Variants in PLD5 observed in about 807,000 individuals in gnomAD.
PLD5 encodes inactive phospholipase D5.
PLD5 carries 36 observed loss-of-function variants against 61.1 expected under a neutral mutation model. The ratio of observed to expected loss-of-function variants is 0.59; its 90% CI spans 0.45 to 0.78. The LOEUF (loss-of-function observed/expected upper bound fraction) is 0.78, where lower values mean the gene tolerates loss of function less well. Among genes scored for constraint, PLD5 ranks in the 30% least tolerant of loss-of-function variants. The pLI is 0.00. For synonymous variants in PLD5, 243 were observed against 242.8 expected, an observed-to-expected ratio of 1.00 and a Z score of -0.01; for missense variants, 515 against 644.4, an observed-to-expected ratio of 0.80 and a Z score of 2.17.
intron 1 of PLD5, among the ~76,000 whole-genome samples, chr1:242,420,316 G>A (rs896223289): frequency 6.6e-6 from 1 of 152,018 alleles, no homozygotes; most frequent in Admixed American, 6.5e-5. Flanking sequence ...TAGAGCCCTC[G>A]CCCTCAATCA....
At chr1:242,285,065 C>G (rs1674941361) in intron 3 of PLD5, among the ~76,000 whole-genome samples, 1 of 152,212 alleles carries the variant, frequency 6.6e-6, no homozygotes, top group East Asian at 1.9e-4. Flanking sequence ...TAAACTAGGT[C>G]TCTTCCTAAA....
chr1:242,523,045 G>C (rs538610812), intron 1 of PLD5, among the ~76,000 whole-genome samples: 4 of 152,108 alleles, frequency 2.6e-5, no homozygotes, highest in East Asian at 3.9e-4. Flanking sequence ...GAGTGCTTTG[G>C]GGGGCAGATG....
intron 1 of PLD5, among the ~76,000 whole-genome samples, chr1:242,372,702 C>T (rs1198523099): frequency 3.9e-5 from 6 of 152,212 alleles, no homozygotes; most frequent in East Asian, 3.9e-4. Context: ...AAAGGATTCC[C>T]GATTTAATAA....
intron 1 of PLD5, among the ~76,000 whole-genome samples, chr1:242,360,697 T>C (rs1661018006): frequency 1.3e-5 from 2 of 152,296 alleles, no homozygotes; most frequent in Non-Finnish European, 2.9e-5. Context: ...TTTCATAGCA[T>C]AGTTCTAAAT....
intron 2 of PLD5, among the ~76,000 whole-genome samples, chr1:242,325,496 A>G (rs1301276445): frequency 6.7e-6 from 1 of 149,122 alleles, no homozygotes; most frequent in Non-Finnish European, 1.5e-5. Flanking sequence ...GGTGGAGAGA[A>G]GAGAGAGAGA....
At position 242,190,436 on chromosome 1, in the gene PLD5, G is replaced by A. The variant is rs567003496; in HGVS notation, c.735+29552C>T. Among the ~76,000 whole-genome samples, 194 of 151,432 alleles carry A rather than the reference G, an allele frequency of 1.3e-3. 3 individuals are homozygous for A. Among genetic ancestry groups the A allele is most frequent in the South Asian group, 1.5e-3 (7 of 4,734 alleles). On this transcript the variant is annotated intron_variant, in intron 5 of 9. Transcript: ENST00000536534. ...GCTGGGATTACAGGCGTGAGCCACC[G>A]CGCCCGGCCCATTGCAGGACTCCTT...
At chr1:242,525,768 G>A (rs1558170962), upstream of PLD5, among the ~76,000 whole-genome samples, 1 of 152,162 alleles carries the variant, frequency 6.6e-6, no homozygotes, top group East Asian at 1.9e-4. Flanking sequence ...AGACATTCTG[G>A]CTGGGATTTC....
chr1:242,140,840 G>C (rs1664108236), intron 5 of PLD5, among the ~76,000 whole-genome samples: 1 of 152,080 alleles, frequency 6.6e-6, no homozygotes, highest in Admixed American at 6.6e-5. Context: ...CTGATCACTG[G>C]GGAACATGCT....
intron 2 of PLD5, among the ~76,000 whole-genome samples, chr1:242,331,249 G>C (rs749020659): frequency 2.6e-5 from 4 of 152,162 alleles, no homozygotes; most frequent in Non-Finnish European, 4.4e-5. Flanking sequence ...TTAAGACATG[G>C]TGTCTCAAGT....
At position 242,286,973 on chromosome 1, in the gene PLD5, A is replaced by T. The variant is rs1240057602; in HGVS notation, c.495+1389T>A. Among the ~76,000 whole-genome samples, 5 of 152,246 alleles carry T rather than the reference A, an allele frequency of 3.3e-5. No homozygotes were observed. The South Asian group carries it at 1.0e-3, about 32-fold the overall frequency. On this transcript the variant is annotated intron_variant, in intron 3 of 9. Coordinates refer to ENST00000536534, the MANE Select transcript of PLD5 (RefSeq NM_001372062.1). ...GGGCTGTGGTATGTTATTTCCAAAG[A>T]TGGCCACCAATAATCCTCATTCCTG... is the stretch of plus-strand genomic sequence containing the variant.
intron 5 of PLD5, among the ~76,000 whole-genome samples, chr1:242,164,296 G>A (rs1270627299): frequency 6.6e-6 from 1 of 152,092 alleles, no homozygotes; most frequent in Non-Finnish European, 1.5e-5. Context: ...TGGGGGAAGT[G>A]ACTGTTAAAA....
rs1673286264 is a variant in PLD5 at position 242,259,948 on chromosome 1, T to G, written c.607+5389A>C. Among the ~76,000 whole-genome samples, 3 of 152,196 alleles carry G rather than the reference T, an allele frequency of 2.0e-5. No homozygotes were observed. In the South Asian group the frequency reaches 6.2e-4, roughly 31 times the overall value. The stretch of plus-strand genomic sequence containing the variant: ...TATACAACCAGAGATAAAAATTGTG[T>G]TAGTAATATAAAAATTCAATAATAT... On this transcript the variant is annotated intron_variant, in intron 4 of 9. Transcript: ENST00000536534.
At chr1:242,478,432 G>T (rs1234922028) in intron 1 of PLD5, among the ~76,000 whole-genome samples, 2 of 152,158 alleles carry the variant, frequency 1.3e-5, no homozygotes, top group Admixed American at 6.5e-5. Context: ...GGAGAGAGGT[G>T]ACTGAGACCC....
intron 1 of PLD5, among the ~76,000 whole-genome samples, chr1:242,452,494 T>C (rs1357979203): frequency 6.6e-6 from 1 of 152,086 alleles, no homozygotes; most frequent in Non-Finnish European, 1.5e-5. Flanking sequence ...TTCTATAAAA[T>C]AGTAGTTCGT....
chr1:242,171,406 A>T (rs1666736842), intron 5 of PLD5, among the ~76,000 whole-genome samples: 1 of 152,206 alleles, frequency 6.6e-6, no homozygotes, highest in Non-Finnish European at 1.5e-5. Context: ...GGAAAGGAAC[A>T]CCTGGTACTA....
intron 1 of PLD5, among the ~76,000 whole-genome samples, chr1:242,486,935 A>T (rs2102970543): frequency 6.6e-6 from 1 of 152,264 alleles, no homozygotes; most frequent in Non-Finnish European, 1.5e-5. Context: ...GCTGGAAACC[A>T]TCATTCTCAG....
At chr1:242,357,915 ACTTTATT>A (rs1439301338) in intron 1 of PLD5, among the ~76,000 whole-genome samples, 1 of 152,078 alleles carries the variant, frequency 6.6e-6, no homozygotes, top group Admixed American at 6.5e-5. Flanking sequence ...CCACGGTCAT[ACTTTATT>A]CTTTTTCTTT....
At chr1:242,477,076 C>T (rs530280213) in intron 1 of PLD5, among the ~76,000 whole-genome samples, 47 of 152,160 alleles carry the variant, frequency 3.1e-4, no homozygotes, top group African/African-American at 1.1e-3. Flanking sequence ...GTGGTGAAAC[C>T]GCATCTCTTC....
chr1:242,242,317 G>C (rs747810363), intron 4 of PLD5, among the ~76,000 whole-genome samples: 3 of 152,072 alleles, frequency 2.0e-5, no homozygotes, highest in Non-Finnish European at 4.4e-5. Context: ...TCTCCAGCCT[G>C]TCCCCCTATT....
Sources: gnomAD v4.1 joint callset for allele counts (sites outside exome capture counted in the v4.1 genomes callset) on GRCh38, gnomAD v4.1.1 for gene constraint, MANE v1.5 for transcripts, NCBI Gene and HGNC (gene_info 2026-07-23, HGNC 2026-07-21) for gene names.